The following PLAA variants were observed in gnomAD, a reference collection of about 807,000 sequenced individuals.
PLAA encodes phospholipase A2 activating protein, also known as phospholipase A-2-activating protein.
PLAA carries 48 observed loss-of-function variants against 84.1 expected under a neutral mutation model. The ratio of observed to expected loss-of-function variants is 0.57; its 90% confidence interval spans 0.45 to 0.73. The LOEUF (loss-of-function observed/expected upper bound fraction) is 0.73. Ranked by LOEUF, PLAA falls within the 30% of genes least tolerant of loss-of-function variation. The pLI is 0.00. For missense variants in PLAA, 903 were observed against 954.7 expected (o/e 0.95, Z 0.71); for synonymous variants, 392 against 336.6 (o/e 1.16, Z -1.80).
At chr9:26,911,030 A>G (rs1482283224) in intron 11 of PLAA, among the ~76,000 whole-genome samples, 1 of 152,046 alleles carries the variant, frequency 6.6e-6, no homozygotes, top group African/African-American at 2.4e-5. Context: ...AAATCCCTGA[A>G]GGACAGGAGT....
At position 26,917,124 on chromosome 9, in the gene PLAA, T is replaced by C. The variant is rs1211991962; in HGVS notation, c.1459A>G (p.Thr487Ala). The C allele has an allele frequency of 1.9e-6, 3 of 1,613,792 alleles. No homozygotes were observed. In the South Asian group the frequency reaches 3.3e-5, roughly 18 times the overall value. The change falls in exon 10 of 14, where the codon ACA becomes GCA. Residue 487 changes from threonine (T) to alanine (A), a missense_variant. Coordinates refer to ENST00000397292, the MANE Select transcript of PLAA (RefSeq NM_001031689.3). The part of the protein sequence containing the change: ...YVPGSSGSSN[T>A]LPTADPFTGA... Reference sequence around the variant, plus strand: ...GTAAAAGGATCTGCTGTGGGTAGTGTGTTAGAAGATCCCGAAGAGCCCGGA... The same window carrying C: ...GTAAAAGGATCTGCTGTGGGTAGTGCGTTAGAAGATCCCGAAGAGCCCGGA...
At position 26,930,106 on chromosome 9, in the gene PLAA, AT is replaced by A. The variant is rs746808419; in HGVS notation, c.344-1699del. On this transcript the variant is annotated intron_variant, in intron 2 of 13. Transcript: ENST00000397292. ...AAGCCAGTGCCTTATTATTATTATTATTTTTTTTTTTTTTTTGAGACAGAGT... is the reference window on the plus strand; with the variant it reads ...AAGCCAGTGCCTTATTATTATTATTATTTTTTTTTTTTTTTGAGACAGAGT... Among the ~76,000 whole-genome samples the A allele has an allele frequency of 6.7e-3, 932 of 140,142 alleles. 3 individuals carry two copies. The highest frequency in any genetic ancestry group is 0.014 in the South Asian group (61 of 4,438). The allele number at this position is 140,142 out of a possible 152,430, so 91.9% of individuals were successfully genotyped here.
intron 9 of PLAA, 90 bp from the exon 10 acceptor site, chr9:26,917,255 T>A: frequency 9.8e-7 from 1 of 1,022,072 alleles, no homozygotes; most frequent in Non-Finnish European, 1.5e-6. Flanking sequence ...GAACCTACAT[T>A]TGGAGAAAAA....
chr9:26,942,877 C>CA (rs34134451), intron 1 of PLAA, among the ~76,000 whole-genome samples: 5,832 of 50,702 alleles, frequency 0.12, 800 homozygotes, highest in East Asian at 0.6. Context: ...AGACTCGTCT[C>CA]AAAAAAAAAA....
In PLAA at chr9:26,923,049, T is replaced by C. The variant is rs559095805; in HGVS notation, c.1039+129A>G. On this transcript the variant is annotated intron_variant, in intron 7 of 13. Coordinates refer to ENST00000397292, the MANE Select transcript of PLAA (RefSeq NM_001031689.3). ...GGTTTCTCATAGTGATTATATGTAATAGTAAAAATCCTCAAAAATCAGCAT... is the reference window on the plus strand; with the variant it reads ...GGTTTCTCATAGTGATTATATGTAACAGTAAAAATCCTCAAAAATCAGCAT... The C allele has an allele frequency of 5.7e-4, 368 of 640,510 alleles. No homozygotes were observed. The African/African-American group carries it at 6.3e-3, about 11-fold the overall frequency. 39.7% of individuals were successfully genotyped at this position (640,510 alleles called of 1,614,324 possible).
intron 10 of PLAA, chr9:26,916,451 C>T: frequency 1.0e-6 from 1 of 986,950 alleles, no homozygotes; most frequent in Non-Finnish European, 1.2e-6. Flanking sequence ...TAAATAAATT[C>T]ATTTTGAAGA....
At position 26,903,999 on chromosome 9, in the gene PLAA, C is replaced by T. The variant is rs1824156326; in HGVS notation, c.*1512G>A. ...TTTTGCCATTTAACTTTGACATAAC[C>T]ACCTAAACCCAATCAAAAAACGAAA... On this transcript the variant is annotated 3_prime_UTR_variant, in exon 14 of 14. Transcript: ENST00000397292. 6.5e-6 allele frequency: 1 copy of T among 153,652 alleles called. No homozygotes were observed. The highest frequency in any genetic ancestry group is 2.4e-5 in the African/African-American group (1 of 41,442). The allele number at this position is 153,652 out of a possible 1,614,324, so 9.5% of individuals were successfully genotyped here.
chr9:26,906,847 A>C lies in PLAA; in HGVS notation c.1823-771T>G, dbSNP rs1158730642. Among the ~76,000 whole-genome samples the C allele has an allele frequency of 3.9e-5, 6 of 152,080 alleles. No homozygotes were observed. The East Asian group carries it at 7.7e-4, about 20-fold the overall frequency. On this transcript the variant is annotated intron_variant, in intron 13 of 13. Coordinates refer to ENST00000397292, the MANE Select transcript of PLAA (RefSeq NM_001031689.3). ...CTGAATGAATGCACAAAATAATCTT[A>C]GCATCACTAAAGGTGAGGAAATCCA...
At chr9:26,909,992 A>C (rs1296143211) in intron 12 of PLAA, among the ~76,000 whole-genome samples, 2 of 152,210 alleles carry the variant, frequency 1.3e-5, no homozygotes, top group Non-Finnish European at 2.9e-5. Flanking sequence ...TAATCTTTTA[A>C]AGATAAGATC....
intron 10 of PLAA, chr9:26,916,301 G>T (rs1383450071): frequency 1.0e-6 from 1 of 985,184 alleles, no homozygotes; most frequent in Non-Finnish European, 1.2e-6. Context: ...TACTGTCGAG[G>T]AACTCTGTCT....
chr9:26,919,264 C>G (rs766678644), intron 9 of PLAA, 46 bp downstream of exon 9: 49 of 1,190,838 alleles, frequency 4.1e-5, no homozygotes, highest in Non-Finnish European at 5.5e-5. Context: ...AAAAATCAAT[C>G]AACACTAATG....
chr9:26,935,254 G>T, intron 1 of PLAA, 48 bp from the exon 2 acceptor site: 1 of 1,249,128 alleles, frequency 8.0e-7, no homozygotes, highest in Non-Finnish European at 1.1e-6. Context: ...CCCTGACTTA[G>T]CCTAGGACAT....
rs1202774634 is a variant in PLAA at position 26,913,922 on chromosome 9, A to G, written c.1512T>C (p.Ser504=). ...FTGAGRYVPG[S]ASMGTTMAGV... is the part of the protein sequence containing the mutation. ...CGGCCATGGTAGTTCCCATACTTGC[A>G]GAACCTGGTACATAACGACCAGCAC... Residue 504 remains serine (S), a synonymous_variant, in exon 11 of 14, where the codon TCT becomes TCC. Coordinates refer to ENST00000397292, the MANE Select transcript of PLAA (RefSeq NM_001031689.3). 1 of 1,612,278 alleles carries G rather than the reference A, an allele frequency of 6.2e-7. No individual in the cohort carries two copies. Among genetic ancestry groups the G allele is most frequent in the Non-Finnish European group, 8.5e-7 (1 of 1,178,338 alleles).
intron 10 of PLAA, chr9:26,916,304 CTCTG>C (rs1432409914): frequency 1.0e-6 from 1 of 985,276 alleles, no homozygotes; most frequent in Non-Finnish European, 1.2e-6. Flanking sequence ...TGTCGAGGAA[CTCTG>C]TCTGAAGATC....
chr9:26,916,654 T>C, intron 10 of PLAA: 4 of 990,332 alleles, frequency 4.0e-6, no homozygotes, highest in Non-Finnish European at 4.8e-6. Flanking sequence ...TGGTAGCATC[T>C]CGCCAGTGAT....
At chr9:26,941,264 T>C (rs1441080335) in intron 1 of PLAA, among the ~76,000 whole-genome samples, 1 of 152,072 alleles carries the variant, frequency 6.6e-6, no homozygotes, top group Non-Finnish European at 1.5e-5. Context: ...TGAAGCTTTT[T>C]CTTTAAAAAG....
intron 1 of PLAA, among the ~76,000 whole-genome samples, chr9:26,944,106 T>TA (rs1476439163): frequency 6.6e-6 from 1 of 152,178 alleles, no homozygotes; most frequent in African/African-American, 2.4e-5. Flanking sequence ...ATGAATAGAT[T>TA]AATGTCATTA....
At chr9:26,919,738 G>T (rs542441406) in intron 8 of PLAA, among the ~76,000 whole-genome samples, 1 of 152,262 alleles carries the variant, frequency 6.6e-6, no homozygotes, top group South Asian at 2.1e-4. Context: ...TTAGGGGATG[G>T]GGGTGAGGAT....
intron 4 of PLAA, among the ~76,000 whole-genome samples, chr9:26,927,127 C>CTTTTTT (rs10672584): frequency 1.5e-5 from 2 of 136,784 alleles, no homozygotes. Flanking sequence ...TTTTGTTTTT[C>CTTTTTT]TTTTTTTTTT....
Sources: allele counts gnomAD v4.1 joint callset (sites outside exome capture counted in the v4.1 genomes callset), GRCh38; gene constraint gnomAD v4.1.1; transcripts MANE v1.5; gene names NCBI Gene and HGNC (gene_info 2026-07-23, HGNC 2026-07-21).